CCDC191: variants seen among roughly 807,000 people sequenced by gnomAD.
The protein encoded by CCDC191 is coiled-coil domain containing 191.
In CCDC191, 99 loss-of-function variants were observed where a neutral mutation model predicts 114.0. That is an observed-to-expected ratio of 0.87 (90% CI 0.74 to 1.03). CCDC191 has a LOEUF of 1.03. CCDC191 is among the 50% of genes least tolerant of loss of function. The pLI, the probability that CCDC191 is intolerant of heterozygous loss-of-function variation, is 0.00. For synonymous variants in CCDC191, 351 were observed against 376.0 expected, an observed-to-expected ratio of 0.93 and a Z score of 0.77; for missense variants, 973 against 1,087.0, an observed-to-expected ratio of 0.90 and a Z score of 1.47.
intron 7 of CCDC191, among the ~76,000 whole-genome samples, chr3:114,027,111 A>T (rs1233319377): frequency 6.6e-6 from 1 of 152,236 alleles, no homozygotes; most frequent in Non-Finnish European, 1.5e-5. Flanking sequence ...CTGTAAGATC[A>T]AAGAGAAAAT....
In CCDC191 at chr3:114,013,285, G is replaced by A. The variant is rs558521927; in HGVS notation, c.1164-2264C>T. Among the ~76,000 whole-genome samples the A allele has an allele frequency of 5.3e-5, 8 of 151,926 alleles. No individual in the cohort carries two copies. In the East Asian group the frequency reaches 1.5e-3, roughly 29 times the overall value. On this transcript the variant is annotated intron_variant, in intron 8 of 16. Coordinates refer to ENST00000295878, the MANE Select transcript of CCDC191 (RefSeq NM_020817.2). ...AAGTAAAAAAGAAAAAACAGAAAATGTAGTTACGATATCTGTATTTGTGGT... is the reference window on the plus strand; with the variant it reads ...AAGTAAAAAAGAAAAAACAGAAAATATAGTTACGATATCTGTATTTGTGGT...
In CCDC191 at chr3:114,056,499, C is replaced by G; in HGVS notation, c.-33G>C. 3.1e-6 allele frequency: 5 copies of G among 1,613,884 alleles called. No homozygotes were observed. Among genetic ancestry groups the G allele is most frequent in the Non-Finnish European group, 4.2e-6 (5 of 1,180,030 alleles). On this transcript the variant is annotated 5_prime_UTR_variant, in exon 1 of 17. Coordinates refer to ENST00000295878, the MANE Select transcript of CCDC191 (RefSeq NM_020817.2). The stretch of plus-strand genomic sequence containing the variant: ...GTTCGAGCCCGAACCTCGGCCAAAG[C>G]TGCAGCAACCGCCCTTCTGCCCGGG...
intron 16 of CCDC191, among the ~76,000 whole-genome samples, chr3:113,965,986 A>C (rs1330625157): frequency 6.6e-6 from 1 of 152,118 alleles, no homozygotes; most frequent in Non-Finnish European, 1.5e-5. Flanking sequence ...CCAAGCTACG[A>C]GGCACACTCC....
At chr3:114,013,667 C>A (rs150012956) in intron 8 of CCDC191, among the ~76,000 whole-genome samples, 15 of 152,272 alleles carry the variant, frequency 9.9e-5, no homozygotes, top group African/African-American at 3.6e-4. Context: ...ATAAATTGAT[C>A]ATCACAATGA....
At chr3:113,994,992 G>A (rs1040248666) in intron 13 of CCDC191, among the ~76,000 whole-genome samples, 3 of 152,198 alleles carry the variant, frequency 2.0e-5, no homozygotes, top group African/African-American at 7.2e-5. Flanking sequence ...ACTTGCATAT[G>A]CAGATGAAGT....
intron 9 of CCDC191, among the ~76,000 whole-genome samples, chr3:114,006,608 A>ATATATATAAATATATATATTT (rs2075969183): frequency 7.5e-6 from 1 of 133,630 alleles, no homozygotes. Context: ...ATATATATAT[A>ATATATATAAATATATATATTT]TATATATATA....
chr3:113,980,297 T>C (rs2075099740), intron 14 of CCDC191, among the ~76,000 whole-genome samples: 1 of 152,138 alleles, frequency 6.6e-6, no homozygotes, highest in Non-Finnish European at 1.5e-5. Flanking sequence ...CCACTGATAT[T>C]TGGGGGTTGT....
chr3:114,044,588 C>T (rs187630173), intron 3 of CCDC191, among the ~76,000 whole-genome samples: 6 of 152,170 alleles, frequency 3.9e-5, no homozygotes, highest in Admixed American at 2.0e-4. Flanking sequence ...GTAATATAAA[C>T]GAAGTGTTAA....
At chr3:114,033,415 TA>T (rs2076437064) in intron 6 of CCDC191, among the ~76,000 whole-genome samples, 1 of 152,240 alleles carries the variant, frequency 6.6e-6, no homozygotes, top group South Asian at 2.1e-4. Flanking sequence ...GGATTTCTGA[TA>T]ATTTTCTTAG....
chr3:114,027,601 C>CAAAAAAAAAAAAAAAAAAA (rs67548547), intron 7 of CCDC191, among the ~76,000 whole-genome samples: 1 of 60,138 alleles, frequency 1.7e-5, no homozygotes, highest in African/African-American at 6.9e-5. Flanking sequence ...GACTCTGTCT[C>CAAAAAAAAAAAAAAAAAAA]AAAAAAAAAA....
intron 1 of CCDC191, among the ~76,000 whole-genome samples, chr3:114,054,623 C>T (rs1263013103): frequency 6.6e-6 from 1 of 152,034 alleles, no homozygotes; most frequent in Non-Finnish European, 1.5e-5. Flanking sequence ...GGCGACAGAG[C>T]GAGACTCTGT....
At chr3:114,049,154 G>A (rs1009250527) in intron 2 of CCDC191, among the ~76,000 whole-genome samples, 7 of 152,228 alleles carry the variant, frequency 4.6e-5, no homozygotes, top group African/African-American at 1.4e-4. Flanking sequence ...GCAAAGACAT[G>A]AGCCAGAAGA....
At chr3:114,023,811 C>G (rs1265739376) in intron 7 of CCDC191, among the ~76,000 whole-genome samples, 1 of 151,950 alleles carries the variant, frequency 6.6e-6, no homozygotes, top group Non-Finnish European at 1.5e-5. Context: ...GACTTCATGT[C>G]TAAAACACCA....
chr3:114,018,663 T>C lies in CCDC191; in HGVS notation c.1163+15A>G. On this transcript the variant is annotated intron_variant, in intron 8 of 16. Coordinates refer to ENST00000295878, the MANE Select transcript of CCDC191 (RefSeq NM_020817.2). ...AGATAAACATACTAGATTTTCACAA[T>C]ACAAATAATGATACCTGTTTTCTTC... The C allele has an allele frequency of 6.3e-7, 1 of 1,595,038 alleles. No homozygotes were observed. Among genetic ancestry groups the C allele is most frequent in the African/African-American group, 1.3e-5 (1 of 74,150 alleles).
At chr3:113,998,180 A>G (rs1213484812) in intron 13 of CCDC191, among the ~76,000 whole-genome samples, 2 of 151,382 alleles carry the variant, frequency 1.3e-5, no homozygotes, top group Non-Finnish European at 2.9e-5. Context: ...GTGGTGCATG[A>G]CTGTAATCCC....
chr3:113,971,086 C>T (rs574503290), intron 16 of CCDC191, among the ~76,000 whole-genome samples: 9 of 152,236 alleles, frequency 5.9e-5, no homozygotes, highest in East Asian at 3.9e-4. Flanking sequence ...TACCCAGTAA[C>T]GGGATGGGTG....
chr3:114,031,848 T>C (rs963878985), intron 6 of CCDC191, 69 bp from the exon 7 acceptor site: 69 of 703,550 alleles, frequency 9.8e-5, no homozygotes, highest in African/African-American at 1.8e-5. Context: ...TACAACCTAC[T>C]GTAGCAGAAT....
chr3:114,044,499 T>C (rs2076603931), intron 3 of CCDC191, among the ~76,000 whole-genome samples: 1 of 152,202 alleles, frequency 6.6e-6, no homozygotes, highest in Non-Finnish European at 1.5e-5. Context: ...GCATAGTTAG[T>C]TCTTAGGGAA....
At chr3:114,030,046 T>C (rs1212856527) in intron 7 of CCDC191, among the ~76,000 whole-genome samples, 2 of 152,218 alleles carry the variant, frequency 1.3e-5, no homozygotes, top group African/African-American at 2.4e-5. Context: ...TTAATGGCAG[T>C]GTACCAATGC....
Sources: allele counts gnomAD v4.1 joint callset (sites outside exome capture counted in the v4.1 genomes callset), GRCh38; gene constraint gnomAD v4.1.1; transcripts MANE v1.5; gene names NCBI Gene and HGNC (gene_info 2026-07-23, HGNC 2026-07-21).